The following SEC23B variants were observed in gnomAD, a reference collection of about 807,000 sequenced individuals.
SEC23B encodes the protein SEC23 homolog B, COPII component.
In SEC23B, 77 loss-of-function variants were observed where a neutral mutation model predicts 104.3. The ratio of observed to expected loss-of-function variants is 0.74; its 90% confidence interval spans 0.61 to 0.89. The LOEUF (loss-of-function observed/expected upper bound fraction) is 0.89. Ranked by LOEUF, SEC23B falls within the 40% of genes least tolerant of loss-of-function variation. The pLI, the probability that SEC23B is intolerant of heterozygous loss-of-function variation, is 0.00. For missense variants in SEC23B, 885 were observed against 949.4 expected, an observed-to-expected ratio of 0.93 and a Z score of 0.89; for synonymous variants, 338 against 332.5, an observed-to-expected ratio of 1.02 and a Z score of -0.18.
chr20:18,555,174 GT>G lies in SEC23B; in HGVS notation c.2214+2del. The G allele has an allele frequency of 6.2e-7, 1 of 1,612,134 alleles. No homozygotes were observed. Among genetic ancestry groups the G allele is most frequent in the African/African-American group, 1.3e-5 (1 of 74,978 alleles). On this transcript the variant is annotated splice_donor_variant, in intron 19 of 19. Transcript: ENST00000650089. LOFTEE classifies it high-confidence loss of function. ...CAATAACCTGTATGCTTGGGGACAG[GT>G]AAGAAATCTTCAGGTATTTGGGGAG... is the stretch of plus-strand genomic sequence containing the variant.
In SEC23B at chr20:18,526,335, G is replaced by A. The variant is rs368928982; in HGVS notation, c.835-38G>A. The A allele has an allele frequency of 1.4e-5, 22 of 1,608,924 alleles. No individual in the cohort carries two copies. The African/African-American group carries it at 2.8e-4, about 21-fold the overall frequency. On this transcript the variant is annotated intron_variant, in intron 7 of 19. Transcript: ENST00000650089. ...AACTGAAACCATACTAAAAGGTGAG[G>A]CTGTATACTTCTAACATGCTGCCAT...
intron 14 of SEC23B, among the ~76,000 whole-genome samples, chr20:18,545,475 A>G (rs2060323850): frequency 6.6e-6 from 1 of 152,196 alleles, no homozygotes; most frequent in South Asian, 2.1e-4. Context: ...TTAAATGATG[A>G]ACAGTCCAAT....
rs1053933265 is a variant in SEC23B at position 18,512,113 on chromosome 20, G to C, written c.222-112G>C. 4 of 689,636 alleles carry C rather than the reference G, an allele frequency of 5.8e-6. No individual in the cohort carries two copies. The African/African-American group carries it at 7.3e-5, about 13-fold the overall frequency. The allele number at this position is 689,636 out of a possible 1,614,324, so 42.7% of individuals were successfully genotyped here. On this transcript the variant is annotated intron_variant, in intron 2 of 19. Coordinates refer to ENST00000650089, the MANE Select transcript of SEC23B (RefSeq NM_006363.6). Reference sequence around the variant, plus strand: ...TGCATACACATAGAAACACTTACTTGTGTGATTTACTGAACTTGAAATTTA... The same window carrying C: ...TGCATACACATAGAAACACTTACTTCTGTGATTTACTGAACTTGAAATTTA...
chr20:18,543,423 G>A (rs994623877), intron 14 of SEC23B, among the ~76,000 whole-genome samples: 1 of 152,194 alleles, frequency 6.6e-6, no homozygotes, highest in Non-Finnish European at 1.5e-5. Context: ...TGTGGGTTGA[G>A]TTGACTTAGA....
At chr20:18,554,956 GTGC>G in intron 18 of SEC23B, 149 bp from the exon 19 acceptor site, 1 of 90,332 alleles carries the variant, frequency 1.1e-5, no homozygotes. Context: ...ATAGATTACT[GTGC>G]AGTAAAACAA....
chr20:18,530,944 T>A, intron 10 of SEC23B, 141 bp downstream of exon 10: 1 of 653,350 alleles, frequency 1.5e-6, no homozygotes, highest in Non-Finnish European at 2.7e-6. Context: ...TACCTGGCCA[T>A]ACTTTTAAAA....
intron 15 of SEC23B, among the ~76,000 whole-genome samples, chr20:18,548,077 G>C (rs975699814): frequency 6.6e-6 from 1 of 151,978 alleles, no homozygotes; most frequent in African/African-American, 2.4e-5. Flanking sequence ...TCAGCCTCCT[G>C]AGTAGCTGGG....
intron 12 of SEC23B, among the ~76,000 whole-genome samples, chr20:18,539,769 C>T (rs1356102625): frequency 2.6e-5 from 4 of 151,636 alleles, no homozygotes; most frequent in African/African-American, 4.8e-5. Context: ...CTCAGCCTCC[C>T]GAGTAGCTGG....
At chr20:18,531,578 C>T (rs755072727) in intron 10 of SEC23B, among the ~76,000 whole-genome samples, 1 of 143,948 alleles carries the variant, frequency 6.9e-6, no homozygotes, top group Non-Finnish European at 1.5e-5. Flanking sequence ...ATGGCTTGTA[C>T]GTAGGAGGCG....
chr20:18,557,827 A>G (rs13042578), intron 19 of SEC23B, among the ~76,000 whole-genome samples: 27,564 of 145,568 alleles, frequency 0.19, 3,038 homozygotes, highest in East Asian at 0.36. Flanking sequence ...ATCTCAGCTC[A>G]CCGCAACCTC....
chr20:18,552,859 T>G (rs1195491093), intron 17 of SEC23B, among the ~76,000 whole-genome samples: 1 of 152,130 alleles, frequency 6.6e-6, no homozygotes, highest in East Asian at 1.9e-4. Flanking sequence ...TTATATAGTT[T>G]CTACATTGTA....
At position 18,546,203 on chromosome 20, in the gene SEC23B, G is replaced by A. The variant is rs577808752; in HGVS notation, c.1743+170G>A. Among the ~76,000 whole-genome samples the A allele has an allele frequency of 5.3e-5, 8 of 152,208 alleles. No individual in the cohort carries two copies. The East Asian group carries it at 5.8e-4, about 11-fold the overall frequency. On this transcript the variant is annotated intron_variant, in intron 15 of 19. Coordinates refer to ENST00000650089, the MANE Select transcript of SEC23B (RefSeq NM_006363.6). The stretch of plus-strand genomic sequence containing the variant: ...GTGTCTAGGCAAGACAGCACCCTAC[G>A]CCCTACAGAAGATAGAGATGACATG...
intron 3 of SEC23B, among the ~76,000 whole-genome samples, chr20:18,514,781 G>T (rs907276818): frequency 1.3e-5 from 2 of 152,192 alleles, no homozygotes; most frequent in Non-Finnish European, 2.9e-5. Context: ...TCTGCCAGGA[G>T]GTTGACAGTA....
chr20:18,559,865 C>G (rs1166017350), intron 19 of SEC23B, among the ~76,000 whole-genome samples: 2 of 151,988 alleles, frequency 1.3e-5, no homozygotes, highest in African/African-American at 4.8e-5. Flanking sequence ...ATAAGATGCC[C>G]GAAGTTTTCA....
At chr20:18,557,004 A>G (rs1270107166) in intron 19 of SEC23B, among the ~76,000 whole-genome samples, 3 of 152,212 alleles carry the variant, frequency 2.0e-5, no homozygotes, top group Non-Finnish European at 2.9e-5. Context: ...TTGAAAAACA[A>G]AAAGAAGTGA....
rs1244547269 is a variant in SEC23B, at chr20:18,530,750, A to G, written c.1180A>G (p.Lys394Glu). Residue 394 changes from lysine to glutamate, a missense_variant, in exon 10 of 20, where the codon AAA becomes GAA. By Grantham distance (56) the Lys-to-Glu change is moderately conservative. Transcript: ENST00000650089. Reference protein sequence around the residue: ...FKQTFQRIFTKDFNGDFRMAF... With the variant: ...FKQTFQRIFTEDFNGDFRMAF... ...GCAGACATTCCAAAGAATCTTTACT[A>G]AAGATTTTAATGGAGATTTCCGAAT... 21 of 1,613,496 alleles carry G rather than the reference A, an allele frequency of 1.3e-5. No homozygotes were observed. The highest frequency in any genetic ancestry group is 1.6e-5 in the Non-Finnish European group (19 of 1,179,580).
At position 18,542,332 on chromosome 20, in the gene SEC23B, A is replaced by T; in HGVS notation, c.1441A>T (p.Ile481Phe). 6.2e-7 allele frequency: 1 copy of T among 1,614,226 alleles called. No homozygotes were observed. The highest frequency in any genetic ancestry group is 8.5e-7 in the Non-Finnish European group (1 of 1,180,040). ...TPIPQGGRGA[I>F]QFVTHYQHSS... Reference sequence around the variant, plus strand: ...GATCCCCCAAGGAGGCAGAGGAGCCATCCAGTTTGTCACGCATTATCAGCA... The same window carrying T: ...GATCCCCCAAGGAGGCAGAGGAGCCTTCCAGTTTGTCACGCATTATCAGCA... The change falls in exon 13 of 20, where the codon ATC (isoleucine) becomes TTC (phenylalanine). Residue 481 changes from isoleucine (I) to phenylalanine (F), a missense_variant. Physicochemically the swap from Ile to Phe is conservative, Grantham distance 21 (BLOSUM62 0). Transcript: ENST00000650089.
Position 18,539,845 on chromosome 20 carries a change from G to A in SEC23B, c.1405-2451G>A, listed in dbSNP as rs905274686. Among the ~76,000 whole-genome samples, 3 of 151,730 alleles carry A rather than the reference G, an allele frequency of 2.0e-5. No individual in the cohort carries two copies. The South Asian group carries it at 6.2e-4, about 32-fold the overall frequency. On this transcript the variant is annotated intron_variant, in intron 12 of 19. Coordinates refer to ENST00000650089, the MANE Select transcript of SEC23B (RefSeq NM_006363.6). Reference sequence around the variant, plus strand: ...TTTTTAGTAGAGACGGGGTTTCACCGTGTTGTCCTGGCTGGTCTTGAACTC... The same window carrying A: ...TTTTTAGTAGAGACGGGGTTTCACCATGTTGTCCTGGCTGGTCTTGAACTC...
intron 17 of SEC23B, 143 bp downstream of exon 17, chr20:18,551,318 TA>T: frequency 1.6e-6 from 1 of 612,134 alleles, no homozygotes; most frequent in Non-Finnish European, 2.9e-6. Flanking sequence ...GTTAGGTTTT[TA>T]ATGACATTTG....
Sources: gnomAD v4.1 joint callset for allele counts (sites outside exome capture counted in the v4.1 genomes callset) on GRCh38, gnomAD v4.1.1 for gene constraint, MANE v1.5 for transcripts, NCBI Gene and HGNC (gene_info 2026-07-23, HGNC 2026-07-21) for gene names.